HBS1L: variants seen among roughly 807,000 people sequenced by gnomAD.
HBS1L encodes the protein HBS1-like protein.
A neutral mutation model predicts 88.9 loss-of-function variants in HBS1L; 55 were observed. The observed-to-expected ratio is 0.62, with a 90% CI of 0.50 to 0.77. The LOEUF is 0.77. Ranked by LOEUF, HBS1L falls within the 30% of genes least tolerant of loss-of-function variation. The pLI is 0.00. For synonymous variants in HBS1L, 267 were observed against 288.5 expected (o/e 0.93, Z 0.76); for missense variants, 741 against 829.3 (o/e 0.89, Z 1.31).
chr6:135,039,880 T>C, intron 3 of HBS1L, 113 bp from the exon 4 acceptor site: 1 of 810,242 alleles, frequency 1.2e-6, no homozygotes, highest in Non-Finnish European at 1.9e-6. Context: ...CAACTCTCCC[T>C]TCTCTTTGGC....
chr6:135,038,091 C>A, intron 4 of HBS1L: 1 of 1,265,346 alleles, frequency 7.9e-7, no homozygotes, highest in Non-Finnish European at 1.0e-6. Context: ...ACAGTCACAG[C>A]AACCAAAAGG....
At chr6:135,004,261 A>T (rs1313913549) in intron 4 of HBS1L, among the ~76,000 whole-genome samples, 6 of 31,646 alleles carry the variant, frequency 1.9e-4, no homozygotes, top group Non-Finnish European at 3.8e-4. Flanking sequence ...ACTAAATGAT[A>T]AAAAAAAAAA....
chr6:135,043,759 T>A (rs1315657584), intron 2 of HBS1L, among the ~76,000 whole-genome samples: 1 of 152,138 alleles, frequency 6.6e-6, no homozygotes, highest in Non-Finnish European at 1.5e-5. Flanking sequence ...GAGAAAAGAA[T>A]AAGAGAAATA....
intron 4 of HBS1L, among the ~76,000 whole-genome samples, chr6:135,028,531 T>C (rs1328035160): frequency 1.3e-5 from 2 of 152,182 alleles, no homozygotes; most frequent in African/African-American, 4.8e-5. Context: ...ACTGAATTAT[T>C]TGAAGATGAA....
intron 4 of HBS1L, among the ~76,000 whole-genome samples, chr6:135,008,925 G>A (rs751705181): frequency 6.6e-6 from 1 of 152,026 alleles, no homozygotes; most frequent in Non-Finnish European, 1.5e-5. Flanking sequence ...GGTTTAAATT[G>A]TGAAACTACA....
At chr6:135,035,309 G>A (rs1465595620) in intron 4 of HBS1L, among the ~76,000 whole-genome samples, 1 of 150,880 alleles carries the variant, frequency 6.6e-6, no homozygotes, top group East Asian at 2.0e-4. Flanking sequence ...AATCAGCTGG[G>A]CGTGGTGACA....
chr6:135,038,057 T>A (rs1300905146), intron 4 of HBS1L: 1 of 1,446,850 alleles, frequency 6.9e-7, no homozygotes, highest in East Asian at 2.5e-5. Context: ...AATTTTCAGA[T>A]GAATAGGTTG....
At chr6:135,051,649 T>TA (rs1777088473) in intron 1 of HBS1L, among the ~76,000 whole-genome samples, 1 of 152,206 alleles carries the variant, frequency 6.6e-6, no homozygotes, top group African/African-American at 2.4e-5. Flanking sequence ...TACAGAGCGC[T>TA]ACGCCTGTTC....
chr6:135,034,940 A>G (rs1257446403), intron 4 of HBS1L, among the ~76,000 whole-genome samples: 1 of 152,248 alleles, frequency 6.6e-6, no homozygotes, highest in Non-Finnish European at 1.5e-5. Context: ...AGACTGCTTC[A>G]GCATATATGG....
rs936192139 is a variant in HBS1L, at chr6:134,963,806, G to A, written c.*1473C>T. 6.6e-6 allele frequency: 1 copy of A among 152,086 alleles called. No homozygotes were observed. Among genetic ancestry groups the A allele is most frequent in the African/African-American group, 2.4e-5 (1 of 41,408 alleles). The allele number at this position is 152,086 out of a possible 1,614,324, so 9.4% of individuals were successfully genotyped here. On this transcript the variant is annotated 3_prime_UTR_variant, in exon 18 of 18. Coordinates refer to ENST00000367837, the MANE Select transcript of HBS1L (RefSeq NM_006620.4). ...AGTCCTTGCTAACATTGTGTGAGCT[G>A]CTCGATCTAAATGGAATCAAAGCTA... is the stretch of plus-strand genomic sequence containing the variant.
Position 135,015,901 on chromosome 6 carries a change from T to TC in HBS1L, c.431-13060dup, listed in dbSNP as rs372810918. On this transcript the variant is annotated intron_variant, in intron 4 of 17. Coordinates refer to ENST00000367837, the MANE Select transcript of HBS1L (RefSeq NM_006620.4). ...CCCAGCCTTTTTTTTTTTTTTTTTT[T>TC]CCAGACGGAGTCTTGTTCTGTTGCC... Among the ~76,000 whole-genome samples, 157 of 137,092 alleles carry TC rather than the reference T, an allele frequency of 1.1e-3. 5 individuals carry two copies. Among genetic ancestry groups the TC allele is most frequent in the East Asian group, 1.5e-3 (7 of 4,566 alleles). 89.9% of individuals were successfully genotyped at this position (137,092 alleles called of 152,430 possible).
intron 15 of HBS1L, among the ~76,000 whole-genome samples, chr6:134,973,449 A>T (rs1774550529): frequency 6.6e-6 from 1 of 152,224 alleles, no homozygotes; most frequent in Non-Finnish European, 1.5e-5. Flanking sequence ...CCAAGAGGGA[A>T]TAATGGGAAG....
At chr6:135,026,100 C>T (rs980105676) in intron 4 of HBS1L, among the ~76,000 whole-genome samples, 7 of 152,132 alleles carry the variant, frequency 4.6e-5, no homozygotes, top group African/African-American at 1.7e-4. Flanking sequence ...ATATAGGCCA[C>T]AAAATCACTT....
intron 3 of HBS1L, among the ~76,000 whole-genome samples, chr6:135,040,344 C>CATTTTT (rs1365916364): frequency 9.1e-6 from 1 of 110,060 alleles, no homozygotes; most frequent in Non-Finnish European, 1.8e-5. Context: ...GATAGGCATT[C>CATTTTT]TTTTTTTTTT....
At chr6:135,030,554 T>A (rs959476008) in intron 4 of HBS1L, among the ~76,000 whole-genome samples, 2 of 152,146 alleles carry the variant, frequency 1.3e-5, no homozygotes, top group Non-Finnish European at 2.9e-5. Flanking sequence ...GAAAATTAGA[T>A]CTTTAGTTTA....
At chr6:134,997,756 C>T in intron 5 of HBS1L, 100 bp from the exon 6 acceptor site, 1 of 1,113,022 alleles carries the variant, frequency 9.0e-7, no homozygotes, top group Admixed American at 1.8e-5. Flanking sequence ...ATCCTTTATG[C>T]TCCAGACCAG....
At chr6:134,984,807 T>C (rs1404943727) in intron 12 of HBS1L, among the ~76,000 whole-genome samples, 3 of 152,180 alleles carry the variant, frequency 2.0e-5, no homozygotes. Context: ...ATAAAGTTTC[T>C]GTATATCTTT....
intron 4 of HBS1L, among the ~76,000 whole-genome samples, chr6:135,007,188 AT>A (rs1004931707): frequency 4.6e-5 from 7 of 151,978 alleles, no homozygotes; most frequent in East Asian, 1.9e-4. Context: ...ATACTTTTTG[AT>A]TTTTTTTCTA....
intron 4 of HBS1L, among the ~76,000 whole-genome samples, chr6:135,013,595 GA>G (rs1562296666): frequency 6.6e-6 from 1 of 152,072 alleles, no homozygotes; most frequent in Non-Finnish European, 1.5e-5. Context: ...CCCCAGAATA[GA>G]AAATGGATTG....
Sources: gnomAD v4.1 joint callset for allele counts (sites outside exome capture counted in the v4.1 genomes callset) on GRCh38, gnomAD v4.1.1 for gene constraint, MANE v1.5 for transcripts, NCBI Gene and HGNC (gene_info 2026-07-23, HGNC 2026-07-21) for gene names.